SEMA6D: variants seen among roughly 807,000 people sequenced by gnomAD.
The protein encoded by SEMA6D is semaphorin-6D.
Under a neutral mutation model 106.6 loss-of-function variants are expected in SEMA6D, and 35 were observed. The ratio of observed to expected loss-of-function variants is 0.33; its 90% CI spans 0.25 to 0.44. The LOEUF (loss-of-function observed/expected upper bound fraction) is 0.44, where lower values mean the gene tolerates loss of function less well. SEMA6D is among the 20% of genes least tolerant of loss of function. SEMA6D has a pLI of 1.00. For synonymous variants in SEMA6D, 499 were observed against 487.7 expected, an observed-to-expected ratio of 1.02 and a Z score of -0.31; for missense variants, 1,185 against 1,345.9, an observed-to-expected ratio of 0.88 and a Z score of 1.87.
intron 4 of SEMA6D, among the ~76,000 whole-genome samples, chr15:47,682,410 G>A (rs1041868254): frequency 6.6e-6 from 1 of 151,738 alleles, no homozygotes; most frequent in Non-Finnish European, 1.5e-5. Flanking sequence ...CTCATGATCC[G>A]CCCCCCTCGG....
chr15:47,450,431 C>G (rs905581892), intron 2 of SEMA6D, among the ~76,000 whole-genome samples: 6 of 152,186 alleles, frequency 3.9e-5, no homozygotes, highest in Admixed American at 3.3e-4. Context: ...TAGTGTGTTT[C>G]CAGTCAACTG....
chr15:47,327,975 A>G (rs992356569), intron 1 of SEMA6D, among the ~76,000 whole-genome samples: 3 of 152,226 alleles, frequency 2.0e-5, no homozygotes, highest in South Asian at 2.1e-4. Context: ...TTTTATAAAT[A>G]CGGAAAATGA....
At chr15:47,422,973 A>G (rs1390133820) in intron 2 of SEMA6D, among the ~76,000 whole-genome samples, 1 of 152,128 alleles carries the variant, frequency 6.6e-6, no homozygotes, top group African/African-American at 2.4e-5. Flanking sequence ...GAAATTGGTA[A>G]GAGTGAGGAG....
At chr15:47,617,953 G>A (rs1014936722) in intron 4 of SEMA6D, among the ~76,000 whole-genome samples, 5 of 152,142 alleles carry the variant, frequency 3.3e-5, no homozygotes, top group South Asian at 4.1e-4. Flanking sequence ...AAGATGTCTC[G>A]TCTAATTCCT....
chr15:47,732,366 A>G (rs2080179795), intron 1 of SEMA6D, among the ~76,000 whole-genome samples: 1 of 152,268 alleles, frequency 6.6e-6, no homozygotes, highest in Admixed American at 6.5e-5. Context: ...AGCTCCTTCC[A>G]TGTTCCTAGT....
intron 4 of SEMA6D, among the ~76,000 whole-genome samples, chr15:47,637,906 G>A (rs73392811): frequency 0.034 from 5,227 of 152,118 alleles, 296 homozygotes; most frequent in African/African-American, 0.12. Context: ...ATAAATCACA[G>A]GACTTTTTTA....
chr15:47,346,987 C>T (rs1400564357), intron 1 of SEMA6D, among the ~76,000 whole-genome samples: 1 of 152,086 alleles, frequency 6.6e-6, no homozygotes, highest in East Asian at 1.9e-4. Context: ...CAGCTCACTG[C>T]AACTTCCCCC....
chr15:47,190,818 T>G (rs2140945584), intron 1 of SEMA6D, among the ~76,000 whole-genome samples: 1 of 152,326 alleles, frequency 6.6e-6, no homozygotes, highest in South Asian at 2.1e-4. Flanking sequence ...CTATCTTTTC[T>G]TAAAGATTGT....
intron 1 of SEMA6D, among the ~76,000 whole-genome samples, chr15:47,390,263 C>T (rs1808665186): frequency 1.3e-5 from 2 of 152,122 alleles, no homozygotes; most frequent in Admixed American, 1.3e-4. Flanking sequence ...ACCACAGTAA[C>T]ACAAGAGCAA....
At chr15:47,699,634 C>T (rs2078768930) in intron 4 of SEMA6D, among the ~76,000 whole-genome samples, 1 of 152,134 alleles carries the variant, frequency 6.6e-6, no homozygotes, top group African/African-American at 2.4e-5. Flanking sequence ...CTAAACTGCC[C>T]TCCTGCATTT....
intron 1 of SEMA6D, among the ~76,000 whole-genome samples, chr15:47,240,565 C>A (rs994745043): frequency 2.6e-5 from 4 of 152,074 alleles, no homozygotes; most frequent in African/African-American, 9.7e-5. Flanking sequence ...TGATTTTGTA[C>A]ATCGTGCATT....
chr15:47,648,403 G>A (rs1221950587), intron 4 of SEMA6D, among the ~76,000 whole-genome samples: 2 of 152,172 alleles, frequency 1.3e-5, no homozygotes, highest in Non-Finnish European at 2.9e-5. Flanking sequence ...CTCCAGGGCT[G>A]GTTCCCATCT....
chr15:47,508,425 G>C (rs1044832300), intron 3 of SEMA6D, among the ~76,000 whole-genome samples: 1 of 152,142 alleles, frequency 6.6e-6, no homozygotes, highest in East Asian at 1.9e-4. Context: ...AGCCAGAGCC[G>C]CACTCCAAGA....
At chr15:47,564,300 T>C (rs1401300009) in intron 3 of SEMA6D, among the ~76,000 whole-genome samples, 1 of 152,114 alleles carries the variant, frequency 6.6e-6, no homozygotes, top group African/African-American at 2.4e-5. Flanking sequence ...GTATTGAAGG[T>C]TGTAGTTTCC....
At chr15:47,442,862 T>C (rs756582416) in intron 2 of SEMA6D, among the ~76,000 whole-genome samples, 8 of 152,114 alleles carry the variant, frequency 5.3e-5, no homozygotes, top group Non-Finnish European at 8.8e-5. Flanking sequence ...CTGCTACTCA[T>C]AGTATCCTAA....
At chr15:47,426,526 G>C (rs1167962474) in intron 2 of SEMA6D, among the ~76,000 whole-genome samples, 1 of 152,058 alleles carries the variant, frequency 6.6e-6, no homozygotes, top group Non-Finnish European at 1.5e-5. Context: ...GGGAAGGATA[G>C]GGCCTTAGAA....
At chr15:47,490,589 G>T (rs1368215352) in intron 3 of SEMA6D, among the ~76,000 whole-genome samples, 1 of 152,192 alleles carries the variant, frequency 6.6e-6, no homozygotes, top group Admixed American at 6.5e-5. Context: ...AGGTTGCAGT[G>T]AGCCTAGATT....
intron 2 of SEMA6D, among the ~76,000 whole-genome samples, chr15:47,463,301 A>C (rs1398065134): frequency 6.6e-6 from 1 of 152,142 alleles, no homozygotes; most frequent in East Asian, 1.9e-4. Flanking sequence ...AGTTATCCAC[A>C]TACATGCACC....
chr15:47,197,504 CTT>C (rs34468502), intron 1 of SEMA6D, among the ~76,000 whole-genome samples: 8 of 140,076 alleles, frequency 5.7e-5, no homozygotes, highest in South Asian at 2.3e-4. Context: ...TTGCAAGTGT[CTT>C]TTTTTTTTTT....
Sources: allele counts gnomAD v4.1 joint callset (sites outside exome capture counted in the v4.1 genomes callset), GRCh38; gene constraint gnomAD v4.1.1; transcripts MANE v1.5; gene names NCBI Gene and HGNC (gene_info 2026-07-23, HGNC 2026-07-21).